Variants in HDAC1 observed in about 807,000 individuals in gnomAD.
HDAC1 encodes the protein protein deacetylase HDAC1.
HDAC1 carries 18 observed loss-of-function variants against 65.5 expected under a neutral mutation model. That is an observed-to-expected ratio of 0.27 (90% CI 0.19 to 0.41). The LOEUF (loss-of-function observed/expected upper bound fraction) is 0.41. HDAC1 is among the 10% of genes least tolerant of loss of function. The probability of loss-of-function intolerance (pLI) is 1.00; values close to 1 mark genes in which losing one functional copy is unlikely to be tolerated. For missense variants in HDAC1, 373 were observed against 625.2 expected, an observed-to-expected ratio of 0.60 and a Z score of 4.30; for synonymous variants, 211 against 227.9, an observed-to-expected ratio of 0.93 and a Z score of 0.67.
chr1:32,297,067 G>A (rs570355011), intron 1 of HDAC1, among the ~76,000 whole-genome samples: 5 of 152,138 alleles, frequency 3.3e-5, no homozygotes, highest in Non-Finnish European at 7.3e-5. Flanking sequence ...GGTGGAGCAG[G>A]AATCTTGAAG....
chr1:32,313,223 T>C (rs1226046788), intron 2 of HDAC1, among the ~76,000 whole-genome samples: 1 of 151,978 alleles, frequency 6.6e-6, no homozygotes, highest in Non-Finnish European at 1.5e-5. Flanking sequence ...GCCTCCTGAG[T>C]AGCTGGGATT....
intron 3 of HDAC1, among the ~76,000 whole-genome samples, chr1:32,321,174 T>C (rs1641137551): frequency 6.7e-6 from 1 of 149,668 alleles, no homozygotes; most frequent in Admixed American, 6.7e-5. Context: ...GAGCTTGCAG[T>C]GAGCTGACAT....
At chr1:32,319,616 G>T (rs923855692) in intron 3 of HDAC1, among the ~76,000 whole-genome samples, 1 of 152,020 alleles carries the variant, frequency 6.6e-6, no homozygotes, top group Non-Finnish European at 1.5e-5. Context: ...TAACCTAGGC[G>T]CTGGACATGG....
At chr1:32,310,377 G>GT (rs1390648740) in intron 2 of HDAC1, among the ~76,000 whole-genome samples, 1 of 152,236 alleles carries the variant, frequency 6.6e-6, no homozygotes, top group South Asian at 2.1e-4. Flanking sequence ...CCTTTGAAGT[G>GT]TTTTTAGAGG....
chr1:32,315,829 G>A (rs1325010099), intron 2 of HDAC1, among the ~76,000 whole-genome samples: 2 of 150,836 alleles, frequency 1.3e-5, no homozygotes, highest in Admixed American at 6.6e-5. Flanking sequence ...AGCCAGCGTC[G>A]TGGTGGGCGC....
At position 32,332,107 on chromosome 1, in the gene HDAC1, C is replaced by A; in HGVS notation, c.1237C>A (p.Arg413=). Residue 413 remains arginine, a synonymous_variant, in exon 12 of 14, where the codon CGA becomes AGA. Coordinates refer to ENST00000373548, the MANE Select transcript of HDAC1 (RefSeq NM_004964.3). ...CCTCCCAGTCTGCTCCTCTGACAAA[C>A]GAATTGCCTGTGAGGAAGAGTTCTC... ...KRISICSSDK[R]IACEEEFSDS... is the part of the protein sequence containing the mutation. 1 of 1,604,350 alleles carries A rather than the reference C, an allele frequency of 6.2e-7. No individual in the cohort carries two copies. Among genetic ancestry groups the A allele is most frequent in the Non-Finnish European group, 8.5e-7 (1 of 1,175,694 alleles).
intron 3 of HDAC1, among the ~76,000 whole-genome samples, chr1:32,318,838 G>T (rs528059944): frequency 2.0e-5 from 3 of 152,252 alleles, no homozygotes; most frequent in African/African-American, 7.2e-5. Flanking sequence ...ATTCAGTCTG[G>T]CTGGGTGTGG....
chr1:32,298,824 C>G (rs1570001791), intron 1 of HDAC1, among the ~76,000 whole-genome samples: 1 of 151,750 alleles, frequency 6.6e-6, no homozygotes, highest in Non-Finnish European at 1.5e-5. Context: ...ATGGTGAAAC[C>G]CTGACTCTAC....
rs776441822 is a variant in HDAC1 at position 32,324,486 on chromosome 1, T to C, written c.288T>C (p.Val96=). The C allele has an allele frequency of 4.3e-6, 7 of 1,610,606 alleles. No individual in the cohort carries two copies. Among genetic ancestry groups the C allele is most frequent in the Non-Finnish European group, 5.9e-6 (7 of 1,176,878 alleles). ...EYSKQMQRFN[V]GEDCPVFDGL... Reference sequence around the variant, plus strand: ...TTGCTTATTTCTTTCAAGTCAACGTTGGTGAGGACTGTCCAGTATTCGATG... The same window carrying C: ...TTGCTTATTTCTTTCAAGTCAACGTCGGTGAGGACTGTCCAGTATTCGATG... Residue 96 remains valine (V), a synonymous_variant, in exon 4 of 14, where the codon GTT becomes GTC. Transcript: ENST00000373548.
chr1:32,316,842 T>TA (rs1456958238), intron 3 of HDAC1, 60 bp downstream of exon 3: 1 of 1,032,236 alleles, frequency 9.7e-7, no homozygotes, highest in East Asian at 2.4e-5. Flanking sequence ...CTTTCCACTG[T>TA]AGAGGCCCAT....
rs140511831 is a variant in HDAC1 at position 32,309,330 on chromosome 1, G to A, written c.162+6597G>A. Among the ~76,000 whole-genome samples the A allele has an allele frequency of 6.8e-3, 1,030 of 152,282 alleles. 16 individuals are homozygous for A. Among genetic ancestry groups the A allele is most frequent in the African/African-American group, 0.023 (964 of 41,534 alleles). ...GAGTTACTTAACTGAGATTCTGAGA[G>A]GTCAAGGACAGCTTTTTGGGGGAAT... On this transcript the variant is annotated intron_variant, in intron 2 of 13. Coordinates refer to ENST00000373548, the MANE Select transcript of HDAC1 (RefSeq NM_004964.3).
intron 2 of HDAC1, among the ~76,000 whole-genome samples, chr1:32,304,358 G>A (rs1451438685): frequency 1.3e-5 from 2 of 152,078 alleles, no homozygotes; most frequent in Non-Finnish European, 2.9e-5. Flanking sequence ...AGGCAGCTGG[G>A]AATGAAAAAC....
chr1:32,324,833 C>T lies in HDAC1; in HGVS notation c.355+280C>T, dbSNP rs906377760. On this transcript the variant is annotated intron_variant, in intron 4 of 13. Coordinates refer to ENST00000373548, the MANE Select transcript of HDAC1 (RefSeq NM_004964.3). ...AATAAAATAAGTAAAAACAATTAGC[C>T]GGGCATGGTGACTCGTGCCTGTAGT... Among the ~76,000 whole-genome samples the T allele has an allele frequency of 3.3e-5, 5 of 152,062 alleles. No individual in the cohort carries two copies. In the East Asian group the frequency reaches 5.8e-4, roughly 18 times the overall value.
chr1:32,332,762 C>T lies in HDAC1; in HGVS notation c.1421+13C>T. ...CAGAAGCCAAAGGGTGAGGAAGGAG[C>T]TGCCTGTGGCCATCTCCCTGGCATT... On this transcript the variant is annotated intron_variant, in intron 13 of 13. Transcript: ENST00000373548. The T allele has an allele frequency of 1.3e-6, 2 of 1,550,008 alleles. No individual in the cohort carries two copies. Among genetic ancestry groups the T allele is most frequent in the East Asian group, 4.9e-5 (2 of 41,180 alleles).
At position 32,319,222 on chromosome 1, in the gene HDAC1, T is replaced by C. The variant is rs140095227; in HGVS notation, c.280+2440T>C. Among the ~76,000 whole-genome samples the C allele has an allele frequency of 6.9e-4, 105 of 152,288 alleles. No homozygotes were observed. The Middle Eastern group carries it at 0.01, about 15-fold the overall frequency. On this transcript the variant is annotated intron_variant, in intron 3 of 13. Transcript: ENST00000373548. ...GAGTTCAAGGCCAGTCTGGGTAATA[T>C]AGTGAGACCTGGTCTCTAAAAAAAA...
rs1218003100 is a variant in HDAC1, at chr1:32,331,879, G to A, written c.1219+73G>A. The A allele has an allele frequency of 1.3e-6, 2 of 1,520,378 alleles. No homozygotes were observed. Among genetic ancestry groups the A allele is most frequent in the Admixed American group, 2.0e-5 (1 of 49,280 alleles). The allele number at this position is 1,520,378 out of a possible 1,614,324, so 94.2% of individuals were successfully genotyped here. A position where few individuals can be genotyped will look rare whatever the true frequency, so the allele number is the denominator to read the frequency against. Reference sequence around the variant, plus strand: ...CACACTTCCACCACCATTCCTGGCTGCACACTCCCTCCAAGCTCCCCACCT... The same window carrying A: ...CACACTTCCACCACCATTCCTGGCTACACACTCCCTCCAAGCTCCCCACCT... On this transcript the variant is annotated intron_variant, in intron 11 of 13. Transcript: ENST00000373548. The surrounding 1 kb of genome is among the most constrained non-coding windows in gnomAD (Gnocchi z 4.2).
intron 1 of HDAC1, among the ~76,000 whole-genome samples, chr1:32,296,288 T>C (rs1311282336): frequency 6.6e-6 from 1 of 152,154 alleles, no homozygotes; most frequent in Non-Finnish European, 1.5e-5. Context: ...ATTGGGCAAG[T>C]GTTGGCGGCA....
In HDAC1 at chr1:32,330,306, A is replaced by G; in HGVS notation, c.730-272A>G. 2.4e-6 allele frequency: 1 copy of G among 414,188 alleles called. No individual in the cohort carries two copies. The highest frequency in any genetic ancestry group is 4.5e-6 in the Non-Finnish European group (1 of 224,018). 25.7% of individuals were successfully genotyped at this position (414,188 alleles called of 1,614,324 possible). On this transcript the variant is annotated intron_variant, in intron 7 of 13. Coordinates refer to ENST00000373548, the MANE Select transcript of HDAC1 (RefSeq NM_004964.3). The surrounding 1 kb of genome is among the most constrained non-coding windows in gnomAD (Gnocchi z 4.2). Reference sequence around the variant, plus strand: ...AGGAAGTGGCACTAGAGCTTGGGCAACAGAAGAGACTTAGGGAGTTGAGAG... The same window carrying G: ...AGGAAGTGGCACTAGAGCTTGGGCAGCAGAAGAGACTTAGGGAGTTGAGAG...
chr1:32,302,214 C>T (rs1640857944), intron 1 of HDAC1, among the ~76,000 whole-genome samples: 1 of 152,160 alleles, frequency 6.6e-6, no homozygotes, highest in African/African-American at 2.4e-5. Flanking sequence ...GCTTTGACAC[C>T]ATAAGTGTTA....
Sources: allele counts gnomAD v4.1 joint callset (sites outside exome capture counted in the v4.1 genomes callset), GRCh38; gene constraint gnomAD v4.1.1; non-coding constraint Gnocchi (gnomAD v3.1); transcripts MANE v1.5; gene names NCBI Gene and HGNC (gene_info 2026-07-23, HGNC 2026-07-21).